GALNT6: variants seen among roughly 807,000 people sequenced by gnomAD.
GALNT6 encodes the protein GalNAc transferase 6.
Under a neutral mutation model 65.9 loss-of-function variants are expected in GALNT6, and 51 were observed. The ratio of observed to expected loss-of-function variants is 0.77; its 90% confidence interval spans 0.62 to 0.98. GALNT6 has a LOEUF of 0.98. GALNT6 is among the 50% of genes least tolerant of loss of function. The probability of loss-of-function intolerance (pLI) is 0.00; values close to 1 mark genes in which losing one functional copy is unlikely to be tolerated. For synonymous variants in GALNT6, 323 were observed against 315.1 expected (o/e 1.02, Z -0.26); for missense variants, 708 against 803.3 (o/e 0.88, Z 1.43).
At chr12:51,364,010 T>A (rs958010625) in intron 6 of GALNT6, 111 bp downstream of exon 6, 6 of 760,828 alleles carry the variant, frequency 7.9e-6, no homozygotes, top group African/African-American at 1.7e-5. Context: ...AATCACAATA[T>A]GTCAAGTGCT....
intron 4 of GALNT6, among the ~76,000 whole-genome samples, chr12:51,371,056 TTATTA>T (rs200372693): frequency 0.13 from 321 of 2,462 alleles, 1 homozygote; most frequent in African/African-American, 0.19. Flanking sequence ...TTTTAAAAAA[TTATTA>T]TTATTATTAT....
intron 4 of GALNT6, among the ~76,000 whole-genome samples, chr12:51,366,973 C>T (rs1350708956): frequency 6.6e-6 from 1 of 152,062 alleles, no homozygotes; most frequent in Non-Finnish European, 1.5e-5. Context: ...ATTAAAAATA[C>T]AAAAATTAGG....
Position 51,352,205 on chromosome 12 carries a change from C to T in GALNT6, c.*2174G>A, listed in dbSNP as rs907385433. 1 of 152,272 alleles carries T rather than the reference C, an allele frequency of 6.6e-6. No individual in the cohort carries two copies. The highest frequency in any genetic ancestry group is 1.5e-5 in the Non-Finnish European group (1 of 68,090). The allele number at this position is 152,272 out of a possible 1,614,324, so 9.4% of individuals were successfully genotyped here. A position where few individuals can be genotyped will look rare whatever the true frequency, so the allele number is the denominator to read the frequency against. ...CTTCTTCCAGCAAAAGAGCCATGTG[C>T]AGTCGGGTCTGCTCCCCATGGGGGC... On this transcript the variant is annotated 3_prime_UTR_variant, in exon 12 of 12. Coordinates refer to ENST00000356317, the MANE Select transcript of GALNT6 (RefSeq NM_007210.4).
At chr12:51,360,887 C>A in intron 6 of GALNT6, 49 bp from the exon 7 acceptor site, 7 of 1,278,078 alleles carry the variant, frequency 5.5e-6, no homozygotes, top group Non-Finnish European at 8.0e-6. Flanking sequence ...AGAGGAGGAG[C>A]GGAGCCTGGC....
intron 2 of GALNT6, among the ~76,000 whole-genome samples, chr12:51,381,791 C>T (rs747383752): frequency 1.3e-5 from 2 of 152,174 alleles, no homozygotes; most frequent in African/African-American, 2.4e-5. Flanking sequence ...CACACTAAGC[C>T]CTCAATAAAT....
At chr12:51,385,300 CTTTT>C (rs1384126133) in intron 2 of GALNT6, among the ~76,000 whole-genome samples, 11 of 152,232 alleles carry the variant, frequency 7.2e-5, no homozygotes, top group Non-Finnish European at 1.6e-4. Context: ...GAAAAGTAAA[CTTTT>C]ATTTTAATGT....
intron 4 of GALNT6, among the ~76,000 whole-genome samples, chr12:51,366,852 G>A (rs536418901): frequency 6.6e-6 from 1 of 152,192 alleles, no homozygotes; most frequent in Non-Finnish European, 1.5e-5. Context: ...TTCTGGCTGG[G>A]CACGGTGGCT....
chr12:51,369,136 C>T (rs1033256701), intron 4 of GALNT6, among the ~76,000 whole-genome samples: 28 of 152,170 alleles, frequency 1.8e-4, no homozygotes, highest in African/African-American at 6.0e-4. Context: ...AGATAACCCA[C>T]GGACAAAACA....
chr12:51,358,301 G>GTTTTT, intron 8 of GALNT6, 40 bp from the exon 9 acceptor site: 51 of 1,447,082 alleles, frequency 3.5e-5, no homozygotes, highest in South Asian at 1.1e-4. Flanking sequence ...AGTTCCACCA[G>GTTTTT]TTTTTTTTTT....
chr12:51,385,102 C>G (rs1947790099), intron 2 of GALNT6, among the ~76,000 whole-genome samples: 1 of 152,020 alleles, frequency 6.6e-6, no homozygotes, highest in South Asian at 2.1e-4. Flanking sequence ...GATCCTCCTA[C>G]CTCAGCCTCT....
At chr12:51,356,796 C>T (rs964154568) in intron 10 of GALNT6, among the ~76,000 whole-genome samples, 1 of 152,190 alleles carries the variant, frequency 6.6e-6, no homozygotes, top group South Asian at 2.1e-4. Context: ...TTCTCCAGTG[C>T]ACCACTGGAA....
chr12:51,387,791 G>T lies in GALNT6; in HGVS notation c.-104+3059C>A, dbSNP rs1947888951. ...AGAGTTGGGGGAAAGGACAGAGAAG[G>T]GACAGGGAAGTGATGAGAAGGGTGG... On this transcript the variant is annotated intron_variant, in intron 2 of 11. Coordinates refer to ENST00000356317, the MANE Select transcript of GALNT6 (RefSeq NM_007210.4). This position sits in a 1 kb window ranked among gnomAD's most constrained non-coding sequence, Gnocchi z 4.2. Among the ~76,000 whole-genome samples, 1 of 152,088 alleles carries T rather than the reference G, an allele frequency of 6.6e-6. No individual in the cohort carries two copies. The highest frequency in any genetic ancestry group is 2.1e-4 in the South Asian group (1 of 4,818).
chr12:51,379,998 G>T, intron 2 of GALNT6, 114 bp from the exon 3 acceptor site: 1 of 567,948 alleles, frequency 1.8e-6, no homozygotes, highest in Non-Finnish European at 3.1e-6. Context: ...CACCTTATTG[G>T]CCACAACTTT....
At position 51,361,163 on chromosome 12, in the gene GALNT6, C is replaced by A. The variant is rs184955151; in HGVS notation, c.1050-325G>T. ...AGAACGGAGAAAGACAGATCCTATT[C>A]CCCCAGAGCTCAATCTAGTCACAGA... is the stretch of plus-strand genomic sequence containing the variant. On this transcript the variant is annotated intron_variant, in intron 6 of 11. Transcript: ENST00000356317. Among the ~76,000 whole-genome samples, 221 of 152,320 alleles carry A rather than the reference C, an allele frequency of 1.5e-3. 1 individual carries two copies. The highest frequency in any genetic ancestry group is 2.2e-3 in the Non-Finnish European group (148 of 68,020).
intron 4 of GALNT6, among the ~76,000 whole-genome samples, chr12:51,366,784 T>G (rs1237693100): frequency 2.0e-5 from 3 of 152,196 alleles, no homozygotes; most frequent in Non-Finnish European, 4.4e-5. Flanking sequence ...AAAGAAGAGT[T>G]TTAGTTCATG....
At chr12:51,369,912 G>A (rs1004206578) in intron 4 of GALNT6, among the ~76,000 whole-genome samples, 3 of 152,140 alleles carry the variant, frequency 2.0e-5, no homozygotes, top group African/African-American at 7.2e-5. Flanking sequence ...GGCAGCTACT[G>A]TGAGAAGTAA....
At chr12:51,371,965 G>A (rs1283858224) in intron 4 of GALNT6, among the ~76,000 whole-genome samples, 1 of 152,144 alleles carries the variant, frequency 6.6e-6, no homozygotes, top group Non-Finnish European at 1.5e-5. Flanking sequence ...ATGGATCTGA[G>A]GGTTTTTTCC....
chr12:51,379,486 A>C lies in GALNT6; in HGVS notation c.296T>G (p.Leu99Arg), dbSNP rs772174184. ...TGGTGGCCGTTCCCAGAAGGGCTTC[A>C]GTTCAGCTGGGGTATAGAACCCAGG... ...CLPGFYTPAE[L>R]KPFWERPPQD... The change falls in exon 3 of 12, where the codon CTG (leucine) becomes CGG (arginine). Residue 99 changes from leucine (L) to arginine (R), a missense_variant. Coordinates refer to ENST00000356317, the MANE Select transcript of GALNT6 (RefSeq NM_007210.4). 66 of 1,614,060 alleles carry C rather than the reference A, an allele frequency of 4.1e-5. No individual in the cohort carries two copies. In the East Asian group the frequency reaches 1.4e-3, roughly 35 times the overall value.
intron 4 of GALNT6, among the ~76,000 whole-genome samples, chr12:51,371,038 C>CG (rs961633159): frequency 7.0e-6 from 1 of 142,892 alleles, no homozygotes; most frequent in African/African-American, 2.5e-5. Flanking sequence ...AATTTGGTCC[C>CG]GCTAGCCTTT....
Sources: gnomAD v4.1 joint callset for allele counts (sites outside exome capture counted in the v4.1 genomes callset) on GRCh38, gnomAD v4.1.1 for gene constraint, Gnocchi (gnomAD v3.1) non-coding constraint, MANE v1.5 for transcripts, NCBI Gene and HGNC (gene_info 2026-07-23, HGNC 2026-07-21) for gene names.